The following AGBL5 variants were observed in gnomAD, a reference collection of about 807,000 sequenced individuals.
AGBL5 encodes the protein cytosolic carboxypeptidase-like protein 5.
Under a neutral mutation model 88.0 loss-of-function variants are expected in AGBL5, and 51 were observed. The ratio of observed to expected loss-of-function variants is 0.58; its 90% confidence interval spans 0.46 to 0.73. The LOEUF is 0.73. Among genes scored for constraint, AGBL5 ranks in the 30% least tolerant of loss-of-function variants. The probability of loss-of-function intolerance (pLI) is 0.00; values close to 1 mark genes in which losing one functional copy is unlikely to be tolerated. For missense variants in AGBL5, 1,031 were observed against 1,162.2 expected (o/e 0.89, Z 1.64); for synonymous variants, 446 against 438.8 (o/e 1.02, Z -0.21).
rs1161408753 is a variant in AGBL5, at chr2:27,054,174, A to T, written c.551+115A>T. Reference sequence around the variant, plus strand: ...ATACTTTCATCCGTCTTTTTTCTGTACAGAATGTACAGACAGGACTTTGGG... The same window carrying T: ...ATACTTTCATCCGTCTTTTTTCTGTTCAGAATGTACAGACAGGACTTTGGG... On this transcript the variant is annotated intron_variant, in intron 4 of 14. Transcript: ENST00000360131. The T allele has an allele frequency of 6.2e-6, 8 of 1,298,398 alleles. No individual in the cohort carries two copies. In the Admixed American group the frequency reaches 1.2e-4, roughly 20 times the overall value. 80.4% of individuals were successfully genotyped at this position (1,298,398 alleles called of 1,614,324 possible). A position where few individuals can be genotyped will look rare whatever the true frequency, so the allele number is the denominator to read the frequency against.
Position 27,058,566 on chromosome 2 carries a change from A to G in AGBL5, c.1838A>G (p.Lys613Arg). 6.2e-7 allele frequency: 1 copy of G among 1,614,182 alleles called. No individual in the cohort carries two copies. The highest frequency in any genetic ancestry group is 8.5e-7 in the Non-Finnish European group (1 of 1,180,046). The change falls in exon 10 of 15, where the codon AAG becomes AGG. Residue 613 changes from lysine (K) to arginine (R), a missense_variant. Around this residue, in one of 2 missense-constraint regions of AGBL5, gnomAD observed 491 missense variants for 484.0 expected, o/e 1.01. Transcript: ENST00000360131. ...LSSTLNVGVN[K>R]KRGLRTPPKS... ...AGCACTCTGAATGTGGGTGTCAACA[A>G]GAAGAGGGGCCTTCGAACTCCACCC...
intron 11 of AGBL5, among the ~76,000 whole-genome samples, chr2:27,066,902 G>C (rs951753164): frequency 6.6e-6 from 1 of 152,120 alleles, no homozygotes; most frequent in South Asian, 2.1e-4. Context: ...GACCAACATG[G>C]TGAAACCCTG....
At chr2:27,069,809 C>T (rs1572839270) in intron 14 of AGBL5, 103 bp downstream of exon 14, 7 of 1,500,700 alleles carry the variant, frequency 4.7e-6, no homozygotes, top group Non-Finnish European at 6.2e-6. Context: ...TCCTTTTGAG[C>T]ACAAAGACTA....
rs1404714032 is a variant in AGBL5, at chr2:27,067,577, A to G, written c.2173A>G (p.Thr725Ala). The G allele has an allele frequency of 9.3e-6, 15 of 1,613,998 alleles. No homozygotes were observed. The highest frequency in any genetic ancestry group is 1.3e-5 in the Non-Finnish European group (15 of 1,180,032). ...CAGCCTCGCTCCATCCCCAGCTCCTACTAGTTCTGGCCCAGCCTCCTCACA... is the reference window on the plus strand; with the variant it reads ...CAGCCTCGCTCCATCCCCAGCTCCTGCTAGTTCTGGCCCAGCCTCCTCACA... ...AGSLAPSPAP[T>A]SSGPASSHKL... Residue 725 changes from threonine (T) to alanine (A), a missense_variant, in exon 12 of 15, where the codon ACT becomes GCT. This residue lies in a region of AGBL5 where 491 missense variants were observed against 484.0 expected (regional missense o/e 1.01). Coordinates refer to ENST00000360131, the MANE Select transcript of AGBL5 (RefSeq NM_021831.6).
chr2:27,056,566 C>T, intron 7 of AGBL5, 57 bp from the exon 8 acceptor site: 2 of 1,484,582 alleles, frequency 1.3e-6, no homozygotes, highest in South Asian at 1.3e-5. Flanking sequence ...GCTATCTCTT[C>T]CTTGCACCTT....
At chr2:27,070,000 C>G in intron 14 of AGBL5, 92 bp from the exon 15 acceptor site, 1 of 1,536,344 alleles carries the variant, frequency 6.5e-7, no homozygotes, top group Non-Finnish European at 8.8e-7. Flanking sequence ...CTTCATCTCG[C>G]TCCACTTCTT....
rs879364906 is a variant in AGBL5, at chr2:27,053,654, C to A, written c.387+81C>A. On this transcript the variant is annotated intron_variant, in intron 3 of 14. Transcript: ENST00000360131. This position sits in a 1 kb window ranked among gnomAD's most constrained non-coding sequence, Gnocchi z 4.9. ...GTAAAGCGTTTTTTTTTCCTTGATACAAGTATGAAGCAGGTGGGACAACAG... is the reference window on the plus strand; with the variant it reads ...GTAAAGCGTTTTTTTTTCCTTGATAAAAGTATGAAGCAGGTGGGACAACAG... 2.8e-4 allele frequency: 431 copies of A among 1,517,784 alleles called. No homozygotes were observed. Among genetic ancestry groups the A allele is most frequent in the Non-Finnish European group, 3.5e-4 (400 of 1,134,284 alleles). The allele number at this position is 1,517,784 out of a possible 1,614,324, so 94.0% of individuals were successfully genotyped here.
At position 27,068,725 on chromosome 2, in the gene AGBL5, G is replaced by A. The variant is rs758147498; in HGVS notation, c.2336G>A (p.Cys779Tyr). The A allele has an allele frequency of 1.9e-6, 3 of 1,614,102 alleles. No homozygotes were observed. The highest frequency in any genetic ancestry group is 1.7e-6 in the Non-Finnish European group (2 of 1,180,004). Residue 779 changes from cysteine (C) to tyrosine (Y), a missense_variant, in exon 13 of 15, where the codon TGC (cysteine) becomes TAC (tyrosine). Around this residue, in one of 2 missense-constraint regions of AGBL5, gnomAD observed 491 missense variants for 484.0 expected, o/e 1.01. Transcript: ENST00000360131. ...CTAGGGACTGGAGCTCGGATGCCCTGCATCAAGACTCGATTGCAGGTAATA... is the reference window on the plus strand; with the variant it reads ...CTAGGGACTGGAGCTCGGATGCCCTACATCAAGACTCGATTGCAGGTAATA... ...GLLGTGARMP[C>Y]IKTRLQARPR...
At chr2:27,057,461 G>C (rs1327181745) in intron 9 of AGBL5, 23 bp downstream of exon 9, 1 of 1,576,040 alleles carries the variant, frequency 6.3e-7, no homozygotes, top group Non-Finnish European at 8.6e-7. Flanking sequence ...GGTGTAAGTG[G>C]GAAAAGGGAG....
chr2:27,054,095 T>C, intron 4 of AGBL5, 36 bp downstream of exon 4: 1 of 1,571,378 alleles, frequency 6.4e-7, no homozygotes, highest in Non-Finnish European at 8.6e-7. Context: ...CACACAGTCC[T>C]GGATCAGACA....
In AGBL5 at chr2:27,053,193, G is replaced by A. The variant is rs28364811; in HGVS notation, c.215+20G>A. On this transcript the variant is annotated intron_variant, in intron 2 of 14. Coordinates refer to ENST00000360131, the MANE Select transcript of AGBL5 (RefSeq NM_021831.6). The surrounding 1 kb of genome is among the most constrained non-coding windows in gnomAD (Gnocchi z 4.9). Reference sequence around the variant, plus strand: ...GAACAGGTATATGGAACGAAATGGAGGGTGGAAAAAGGCTCCAAACCCATG... The same window carrying A: ...GAACAGGTATATGGAACGAAATGGAAGGTGGAAAAAGGCTCCAAACCCATG... 7.5e-4 allele frequency: 1,174 copies of A among 1,562,846 alleles called. 4 individuals are homozygous for A. The East Asian group carries it at 0.014, about 19-fold the overall frequency.
At chr2:27,066,646 T>C (rs1337052403) in intron 11 of AGBL5, among the ~76,000 whole-genome samples, 1 of 152,080 alleles carries the variant, frequency 6.6e-6, no homozygotes, top group Non-Finnish European at 1.5e-5. Flanking sequence ...GTAACTTCTT[T>C]GCCAAAAGAA....
At chr2:27,059,059 A>C in intron 10 of AGBL5, 131 bp from the exon 11 acceptor site, 1 of 850,626 alleles carries the variant, frequency 1.2e-6, no homozygotes, top group Admixed American at 2.3e-5. Flanking sequence ...TGAATTCCTC[A>C]CTTCTTCCTT....
intron 11 of AGBL5, among the ~76,000 whole-genome samples, chr2:27,060,201 A>G (rs190774587): frequency 1.1e-3 from 161 of 152,308 alleles, no homozygotes; most frequent in Non-Finnish European, 1.7e-3. Context: ...CCAAAGAAAA[A>G]TGGAACAACT....
intron 7 of AGBL5, 180 bp from the exon 8 acceptor site, chr2:27,056,443 A>G: frequency 1.5e-6 from 1 of 664,572 alleles, no homozygotes. Context: ...AAAAAAAAAG[A>G]ATTGCTTCCC....
chr2:27,053,460 A>G lies in AGBL5; in HGVS notation c.274A>G (p.Ile92Val), dbSNP rs756667026. 6 of 1,614,138 alleles carry G rather than the reference A, an allele frequency of 3.7e-6. No homozygotes were observed. The East Asian group carries it at 8.9e-5, about 24-fold the overall frequency. Residue 92 changes from isoleucine to valine, a missense_variant, in exon 3 of 15, where the codon ATT (isoleucine) becomes GTT (valine). Ile to Val is a conservative substitution (Grantham distance 29). This residue lies in a region of AGBL5 where 540 missense variants were observed against 678.2 expected (regional missense o/e 0.80). Transcript: ENST00000360131. The surrounding 1 kb of genome is among the most constrained non-coding windows in gnomAD (Gnocchi z 4.9). ...GMPGKLIKIN[I>V]MNMNKQSKLY... Reference sequence around the variant, plus strand: ...GCCAGGAAAACTCATCAAGATCAACATTATGAACATGAACAAGCAGAGCAA... The same window carrying G: ...GCCAGGAAAACTCATCAAGATCAACGTTATGAACATGAACAAGCAGAGCAA...
At chr2:27,056,839 A>G (rs756219813) in intron 8 of AGBL5, 47 bp downstream of exon 8, 16 of 1,551,790 alleles carry the variant, frequency 1.0e-5, no homozygotes, top group Non-Finnish European at 1.4e-5. Context: ...TTCCCTAAAG[A>G]AAACACCGTA....
chr2:27,056,665 G>C lies in AGBL5; in HGVS notation c.1408G>C (p.Ala470Pro), dbSNP rs1172892836. 6.2e-7 allele frequency: 1 copy of C among 1,613,104 alleles called. No individual in the cohort carries two copies. Among genetic ancestry groups the C allele is most frequent in the Non-Finnish European group, 8.5e-7 (1 of 1,179,408 alleles). Residue 470 changes from alanine to proline, a missense_variant, in exon 8 of 15, where the codon GCC becomes CCC. Physicochemically the swap from Ala to Pro is conservative, Grantham distance 27 (BLOSUM62 -1). Transcript: ENST00000360131. ...LYPKLISLNS[A>P]HFDFQGCNFS... ...TCCAAAGCTCATCTCCTTGAATTCA[G>C]CCCACTTCGACTTCCAGGGCTGCAA...
At position 27,055,852 on chromosome 2, in the gene AGBL5, C is replaced by T. The variant is rs1406589846; in HGVS notation, c.1079C>T (p.Ala360Val). The change falls in exon 7 of 15, where the codon GCT (alanine) becomes GTT (valine). Residue 360 changes from alanine to valine, a missense_variant. This residue lies in a region of AGBL5 where 540 missense variants were observed against 678.2 expected (regional missense o/e 0.80). Coordinates refer to ENST00000360131, the MANE Select transcript of AGBL5 (RefSeq NM_021831.6). ...HQPSSCLPPD[A>V]PVSDLEKANN... The stretch of plus-strand genomic sequence containing the variant: ...CCCAGTTCCTGTCTCCCTCCTGATG[C>T]TCCTGTTTCTGACCTGGAGAAAGCC... 1.9e-6 allele frequency: 3 copies of T among 1,614,230 alleles called. No homozygotes were observed. The highest frequency in any genetic ancestry group is 1.3e-5 in the African/African-American group (1 of 75,058).
Sources: allele counts gnomAD v4.1 joint callset (sites outside exome capture counted in the v4.1 genomes callset), GRCh38; gene constraint gnomAD v4.1.1; regional missense constraint gnomAD v4.1.1; non-coding constraint Gnocchi (gnomAD v3.1); transcripts MANE v1.5; gene names NCBI Gene and HGNC (gene_info 2026-07-23, HGNC 2026-07-21).